Variants in WARS2 observed in about 807,000 individuals in gnomAD.
WARS2 encodes tryptophan--tRNA ligase, mitochondrial.
A neutral mutation model predicts 36.5 loss-of-function variants in WARS2; 28 were observed. The observed-to-expected ratio is 0.77, with a 90% CI of 0.57 to 1.05. The LOEUF (loss-of-function observed/expected upper bound fraction) is 1.05. Among genes scored for constraint, WARS2 ranks in the 50% least tolerant of loss-of-function variants. The pLI, the probability that WARS2 is intolerant of heterozygous loss-of-function variation, is 0.00. For missense variants in WARS2, 435 were observed against 456.8 expected (o/e 0.95, Z 0.44); for synonymous variants, 174 against 178.4 (o/e 0.98, Z 0.20).
At chr1:119,112,035 A>C (rs1377098445) in intron 1 of WARS2, among the ~76,000 whole-genome samples, 1 of 151,646 alleles carries the variant, frequency 6.6e-6, no homozygotes, top group Non-Finnish European at 1.5e-5. Context: ...CGATTCTCCT[A>C]CCTCAGCCTC....
intron 1 of WARS2, among the ~76,000 whole-genome samples, chr1:119,105,379 TA>T (rs1654160116): frequency 6.6e-6 from 1 of 152,112 alleles, no homozygotes; most frequent in Non-Finnish European, 1.5e-5. Flanking sequence ...ATCTGATGCA[TA>T]GGGGAGAGTT....
intron 1 of WARS2, among the ~76,000 whole-genome samples, chr1:119,118,296 A>G (rs945324482): frequency 9.2e-5 from 14 of 152,048 alleles, no homozygotes; most frequent in African/African-American, 3.1e-4. Context: ...ACTGAAAAGT[A>G]TTAATAATAG....
chr1:119,119,250 C>A (rs1655184005), intron 1 of WARS2, among the ~76,000 whole-genome samples: 1 of 151,874 alleles, frequency 6.6e-6, no homozygotes, highest in Non-Finnish European at 1.5e-5. Flanking sequence ...AAATGGACAC[C>A]AAAAGTGAGC....
intron 1 of WARS2, among the ~76,000 whole-genome samples, chr1:119,130,831 T>C (rs1656049139): frequency 6.6e-6 from 1 of 152,168 alleles, no homozygotes; most frequent in Admixed American, 6.5e-5. Flanking sequence ...CTCACACACA[T>C]AGTTATCACA....
At chr1:119,137,693 C>T (rs903500697) in intron 1 of WARS2, among the ~76,000 whole-genome samples, 16 of 152,160 alleles carry the variant, frequency 1.1e-4, no homozygotes, top group Non-Finnish European at 1.8e-4. Flanking sequence ...TTTATGACTA[C>T]GCTCATCTTG....
At chr1:119,101,821 C>T (rs1362951493) in intron 1 of WARS2, among the ~76,000 whole-genome samples, 1 of 152,124 alleles carries the variant, frequency 6.6e-6, no homozygotes, top group African/African-American at 2.4e-5. Context: ...TATTCCAGAG[C>T]TACAAGCCGC....
chr1:119,033,860 A>G (rs564847389), intron 5 of WARS2, among the ~76,000 whole-genome samples: 20 of 152,262 alleles, frequency 1.3e-4, no homozygotes, highest in Admixed American at 9.8e-4. Context: ...TCTCTTCCAT[A>G]CTTTTAAAAT....
Position 119,076,508 on chromosome 1 carries a change from C to T in WARS2, c.190G>A (p.Asp64Asn). The T allele has an allele frequency of 6.2e-7, 1 of 1,614,130 alleles. No homozygotes were observed. The highest frequency in any genetic ancestry group is 2.2e-5 in the East Asian group (1 of 44,874). Residue 64 changes from aspartate (D) to asparagine (N), a missense_variant, in exon 2 of 6, where the codon GAT becomes AAT. Transcript: ENST00000235521. The part of the protein sequence containing the change: ...GAIESWVRLQ[D>N]EYDSVLYSIV... ...CTGTATAATACAGAGTCATATTCAT[C>T]CTGTAACCTCACCCAGCTCTCAATG...
intron 2 of WARS2, among the ~76,000 whole-genome samples, chr1:119,048,564 A>G (rs1649053615): frequency 6.6e-6 from 1 of 152,206 alleles, no homozygotes; most frequent in African/African-American, 2.4e-5. Context: ...ACAGCTTAAT[A>G]TCACAATGAT....
At chr1:119,114,123 G>A (rs1442496309) in intron 1 of WARS2, among the ~76,000 whole-genome samples, 1 of 152,174 alleles carries the variant, frequency 6.6e-6, no homozygotes, top group Non-Finnish European at 1.5e-5. Context: ...GCACAGAAGG[G>A]TTTAAGTAAC....
intron 1 of WARS2, among the ~76,000 whole-genome samples, chr1:119,093,688 C>T (rs1021560869): frequency 6.6e-6 from 1 of 152,120 alleles, no homozygotes; most frequent in Non-Finnish European, 1.5e-5. Context: ...ACCTCAGTGT[C>T]AGACTGCTAG....
rs189354478 is a variant in WARS2 at position 119,074,592 on chromosome 1, T to C, written c.348+1758A>G. Among the ~76,000 whole-genome samples, 4 of 152,332 alleles carry C rather than the reference T, an allele frequency of 2.6e-5. No individual in the cohort carries two copies. In the East Asian group the frequency reaches 7.7e-4, roughly 29 times the overall value. The stretch of plus-strand genomic sequence containing the variant: ...AGGTAAATTGACTTTATGGTCCTTT[T>C]AAAGATCAGATTCTATTATTTTATC... On this transcript the variant is annotated intron_variant, in intron 2 of 5. Coordinates refer to ENST00000235521, the MANE Select transcript of WARS2 (RefSeq NM_015836.4).
At chr1:119,103,267 C>T (rs1182264116) in intron 1 of WARS2, among the ~76,000 whole-genome samples, 4 of 152,088 alleles carry the variant, frequency 2.6e-5, no homozygotes, top group African/African-American at 9.7e-5. Flanking sequence ...TCTGTTATCC[C>T]TATAAGCCTA....
chr1:119,048,965 A>C (rs965198963), intron 2 of WARS2, among the ~76,000 whole-genome samples: 26 of 152,164 alleles, frequency 1.7e-4, no homozygotes, highest in African/African-American at 6.0e-4. Flanking sequence ...CGGGAGGCTG[A>C]GGCGGGGGAA....
intron 2 of WARS2, chr1:119,063,676 G>C (rs543163887): frequency 6.6e-6 from 1 of 152,362 alleles, no homozygotes; most frequent in East Asian, 1.9e-4. Context: ...GACAGAGCTC[G>C]GGCAGTGGCT....
intron 1 of WARS2, among the ~76,000 whole-genome samples, chr1:119,110,501 T>C (rs587732754): frequency 6.6e-6 from 1 of 152,218 alleles, no homozygotes; most frequent in Non-Finnish European, 1.5e-5. Context: ...ATTGTAATTC[T>C]TATCTTTATT....
chr1:119,112,499 G>A (rs894018043), intron 1 of WARS2, among the ~76,000 whole-genome samples: 5 of 152,182 alleles, frequency 3.3e-5, no homozygotes, highest in South Asian at 4.1e-4. Flanking sequence ...TCAGCAGAGA[G>A]TAAATGCAGA....
rs370215087 is a variant in WARS2 at position 119,042,237 on chromosome 1, T to A, written c.515+27A>T. 2.1e-5 allele frequency: 33 copies of A among 1,609,172 alleles called. No homozygotes were observed. In the African/African-American group the frequency reaches 3.1e-4, roughly 15 times the overall value. On this transcript the variant is annotated intron_variant, in intron 4 of 5. Transcript: ENST00000235521. ...ACTCTCTTGTCACCATGAGTATGTA[T>A]AAGACTGGGCTGAACTCTCTTCTTA...
At chr1:119,050,380 T>A (rs1306948742) in intron 2 of WARS2, among the ~76,000 whole-genome samples, 1 of 152,206 alleles carries the variant, frequency 6.6e-6, no homozygotes, top group Non-Finnish European at 1.5e-5. Context: ...TCCATATCAC[T>A]CATCACCTTC....
Sources: gnomAD v4.1 joint callset for allele counts (sites outside exome capture counted in the v4.1 genomes callset) on GRCh38, gnomAD v4.1.1 for gene constraint, MANE v1.5 for transcripts, NCBI Gene and HGNC (gene_info 2026-07-23, HGNC 2026-07-21) for gene names.